PDLIM4: variants seen among roughly 807,000 people sequenced by gnomAD.
The protein encoded by PDLIM4 is PDZ and LIM domain protein 4.
In PDLIM4, 19 loss-of-function variants were observed where a neutral mutation model predicts 31.3. The ratio of observed to expected loss-of-function variants is 0.61; its 90% CI spans 0.42 to 0.89. PDLIM4 has a LOEUF of 0.89. PDLIM4 is among the 40% of genes least tolerant of loss of function. The pLI is 0.00. For missense variants in PDLIM4, 442 were observed against 461.1 expected (o/e 0.96, Z 0.38); for synonymous variants, 176 against 190.1 (o/e 0.93, Z 0.61).
rs556766882 is a variant in PDLIM4 at position 132,257,891 on chromosome 5, G to A, written c.93+64G>A. On this transcript the variant is annotated intron_variant, in intron 1 of 6. Transcript: ENST00000253754. The surrounding 1 kb of genome is among the most constrained non-coding windows in gnomAD (Gnocchi z 4.3). ...GTCTGAGACCGGGTTCTCGCGGTCC[G>A]CCCGGGACCCAGATCCCCTGTGTAT... 43 of 945,942 alleles carry A rather than the reference G, an allele frequency of 4.5e-5. No homozygotes were observed. The highest frequency in any genetic ancestry group is 4.1e-4 in the African/African-American group (24 of 58,120). 58.6% of individuals were successfully genotyped at this position (945,942 alleles called of 1,614,324 possible).
At position 132,262,763 on chromosome 5, in the gene PDLIM4, A is replaced by G; in HGVS notation, c.245+3A>G. The G allele has an allele frequency of 1.2e-6, 2 of 1,611,244 alleles. No individual in the cohort carries two copies. The highest frequency in any genetic ancestry group is 2.2e-5 in the East Asian group (1 of 44,750). ...CACCTCACACTGTCTGTGAGCAGGT[A>G]TGCACAGGTGGGCTGGGCTGGGAGG... is the stretch of plus-strand genomic sequence containing the variant. On this transcript the variant is annotated splice_donor_region_variant and intron_variant, in intron 2 of 6. Transcript: ENST00000253754.
At chr5:132,263,552 T>C (rs1006511224) in intron 2 of PDLIM4, among the ~76,000 whole-genome samples, 4 of 152,174 alleles carry the variant, frequency 2.6e-5, no homozygotes, top group Admixed American at 2.0e-4. Context: ...CCTGGGTCTT[T>C]ACTCAGCTCT....
chr5:132,270,997 A>G lies in PDLIM4; in HGVS notation c.410A>G (p.Tyr137Cys). The change falls in exon 4 of 7, where the codon TAT becomes TGT. Residue 137 changes from tyrosine to cysteine, a missense_variant. Transcript: ENST00000253754. ...GGCAGACCAAGCCTGGGATCTCCAT[A>G]TGGACAACCCCCTCGCTTTCCAGTC... The part of the protein sequence containing the change: ...EDGRPSLGSP[Y>C]GQPPRFPVPH... 1 of 1,614,086 alleles carries G rather than the reference A, an allele frequency of 6.2e-7. No homozygotes were observed. Among genetic ancestry groups the G allele is most frequent in the Non-Finnish European group, 8.5e-7 (1 of 1,179,978 alleles).
intron 3 of PDLIM4, 170 bp downstream of exon 3, chr5:132,266,715 C>T (rs994613668): frequency 1.2e-5 from 6 of 500,060 alleles, no homozygotes; most frequent in African/African-American, 3.9e-5. Flanking sequence ...ATCCCATGTT[C>T]CTCAGATGAT....
chr5:132,272,553 C>T lies in PDLIM4; in HGVS notation c.*324C>T, dbSNP rs1172057380. The T allele has an allele frequency of 2.0e-5, 8 of 396,372 alleles. No individual in the cohort carries two copies. The highest frequency in any genetic ancestry group is 3.4e-5 in the Non-Finnish European group (7 of 208,940). The allele number at this position is 396,372 out of a possible 1,614,324, so 24.6% of individuals were successfully genotyped here. On this transcript the variant is annotated 3_prime_UTR_variant, in exon 7 of 7. Transcript: ENST00000253754. Reference sequence around the variant, plus strand: ...AAGGTGAGGTCTGGGATGCTGCGTGCGGCGCGACGACAGGAGGTATGACCT... The same window carrying T: ...AAGGTGAGGTCTGGGATGCTGCGTGTGGCGCGACGACAGGAGGTATGACCT...
chr5:132,259,777 G>C (rs1561519791), intron 1 of PDLIM4, among the ~76,000 whole-genome samples: 1 of 152,152 alleles, frequency 6.6e-6, no homozygotes, highest in Non-Finnish European at 1.5e-5. Context: ...GCAGGGCTGG[G>C]GGCTTGCAAT....
At position 132,271,431 on chromosome 5, in the gene PDLIM4, G is replaced by A. The variant is rs768954773; in HGVS notation, c.635G>A (p.Arg212His). The stretch of plus-strand genomic sequence containing the variant: ...GAGCCCAAGCAGTCAGGCTCCTTCC[G>A]CTACTTGCAGGGCATGCTAGAGGCC... ...AAEPKQSGSFRYLQGMLEAGE... is the reference protein window; with the variant it reads ...AAEPKQSGSFHYLQGMLEAGE... Residue 212 changes from arginine to histidine, a missense_variant, in exon 5 of 7, where the codon CGC (arginine) becomes CAC (histidine). Arg to His is a conservative substitution (Grantham distance 29, BLOSUM62 0). Transcript: ENST00000253754. 6.8e-6 allele frequency: 11 copies of A among 1,609,168 alleles called. No homozygotes were observed. Among genetic ancestry groups the A allele is most frequent in the South Asian group, 3.3e-5 (3 of 91,088 alleles).
intron 2 of PDLIM4, among the ~76,000 whole-genome samples, chr5:132,263,517 TG>T (rs1182747849): frequency 8.0e-6 from 1 of 124,930 alleles, no homozygotes; most frequent in Non-Finnish European, 1.7e-5. Context: ...GGGGTGGGGG[TG>T]GGGGGACCCA....
chr5:132,262,852 C>G, intron 2 of PDLIM4, 92 bp downstream of exon 2: 1 of 1,218,436 alleles, frequency 8.2e-7, no homozygotes, highest in Non-Finnish European at 1.2e-6. Flanking sequence ...CTTCACACAG[C>G]CTCTCTGCCT....
At position 132,266,558 on chromosome 5, in the gene PDLIM4, A is replaced by T. The variant is rs1224658439; in HGVS notation, c.327+13A>T. On this transcript the variant is annotated intron_variant, in intron 3 of 6. Transcript: ENST00000253754. ...TCCTGAGATCCAGGTATGTACAGAC[A>T]CTGCCTGGCCTGGCCTGGCTCAGAG... 1.9e-6 allele frequency: 3 copies of T among 1,592,396 alleles called. No homozygotes were observed. Among genetic ancestry groups the T allele is most frequent in the South Asian group, 1.1e-5 (1 of 90,076 alleles).
At chr5:132,268,903 C>T (rs992275496) in intron 3 of PDLIM4, among the ~76,000 whole-genome samples, 3 of 152,116 alleles carry the variant, frequency 2.0e-5, no homozygotes, top group South Asian at 2.1e-4. Context: ...GCATATGGTA[C>T]GAGGTGTACC....
Position 132,271,832 on chromosome 5 carries a change from A to G in PDLIM4, c.712A>G (p.Thr238Ala), listed in dbSNP as rs1396074238. 1 of 1,612,726 alleles carries G rather than the reference A, an allele frequency of 6.2e-7. No individual in the cohort carries two copies. The highest frequency in any genetic ancestry group is 1.3e-5 in the African/African-American group (1 of 74,900). The change falls in exon 6 of 7, where the codon ACG (threonine) becomes GCG (alanine). Residue 238 changes from threonine (T) to alanine (A), a missense_variant. Transcript: ENST00000253754. ...GPGGPRNLKP[T>A]ASKLGAPLSG... is the part of the protein sequence containing the mutation. ...TGGCGGCCCCCGGAACCTCAAGCCC[A>G]CGGCCAGCAAGCTGGGCGCTCCGCT...
chr5:132,266,419 G>T (rs1168138354), intron 2 of PDLIM4, 45 bp from the exon 3 acceptor site: 1 of 1,332,844 alleles, frequency 7.5e-7, no homozygotes, highest in Non-Finnish European at 1.1e-6. Context: ...CAGGCATGGT[G>T]GGCGTGGTAG....
Position 132,271,068 on chromosome 5 carries a change from A to G in PDLIM4, c.481A>G (p.Thr161Ala), listed in dbSNP as rs1473686250. The change falls in exon 4 of 7, where the codon ACC (threonine) becomes GCC (alanine). Residue 161 changes from threonine to alanine, a missense_variant. Transcript: ENST00000253754. ...GGCCACCCTGCCAGCCCAGATGAGC[A>G]CCCTGCATGTGTCTCCACCCCCCAG... ...SEATLPAQMSTLHVSPPPSAD... is the reference protein window; with the variant it reads ...SEATLPAQMSALHVSPPPSAD... The G allele has an allele frequency of 1.2e-6, 2 of 1,614,016 alleles. No individual in the cohort carries two copies. The highest frequency in any genetic ancestry group is 1.7e-6 in the Non-Finnish European group (2 of 1,179,946).
chr5:132,260,526 T>C (rs1419014957), intron 1 of PDLIM4, among the ~76,000 whole-genome samples: 1 of 152,178 alleles, frequency 6.6e-6, no homozygotes, highest in Non-Finnish European at 1.5e-5. Flanking sequence ...ACAACCTTCC[T>C]TCTTCTTTCT....
chr5:132,257,757 G>C lies in PDLIM4; in HGVS notation c.23G>C (p.Arg8Pro). The C allele has an allele frequency of 6.7e-7, 1 of 1,498,360 alleles. No individual in the cohort carries two copies. Among genetic ancestry groups the C allele is most frequent in the Non-Finnish European group, 8.9e-7 (1 of 1,128,960 alleles). 92.8% of individuals were successfully genotyped at this position (1,498,360 alleles called of 1,614,324 possible). A position where few individuals can be genotyped will look rare whatever the true frequency, so the allele number is the denominator to read the frequency against. Reference protein sequence around the residue: MPHSVTLRGPSPWGFRLV... With the variant: MPHSVTLPGPSPWGFRLV... Reference sequence around the variant, plus strand: ...GCGATGCCCCATTCCGTGACCCTGCGCGGGCCTTCGCCCTGGGGCTTCCGC... The same window carrying C: ...GCGATGCCCCATTCCGTGACCCTGCCCGGGCCTTCGCCCTGGGGCTTCCGC... Residue 8 changes from arginine (R) to proline (P), a missense_variant, in exon 1 of 7, where the codon CGC (arginine) becomes CCC (proline). Transcript: ENST00000253754. The surrounding 1 kb of genome is among the most constrained non-coding windows in gnomAD (Gnocchi z 4.3).
rs157576 is a variant in PDLIM4 at position 132,258,599 on chromosome 5, G to T, written c.93+772G>T. 4.9e-4 allele frequency among the ~76,000 whole-genome samples: 74 copies of T among 152,274 alleles called. 1 individual carries two copies. The East Asian group carries it at 0.012, about 24-fold the overall frequency. On this transcript the variant is annotated intron_variant, in intron 1 of 6. Coordinates refer to ENST00000253754, the MANE Select transcript of PDLIM4 (RefSeq NM_003687.4). Reference sequence around the variant, plus strand: ...GGAGGAGGTGACTCAGGCCCTGTTCGAGGGGGTGCCTGTCTAGGGGAGACA... The same window carrying T: ...GGAGGAGGTGACTCAGGCCCTGTTCTAGGGGGTGCCTGTCTAGGGGAGACA...
intron 1 of PDLIM4, among the ~76,000 whole-genome samples, chr5:132,258,704 G>A (rs1756301352): frequency 6.6e-6 from 1 of 152,260 alleles, no homozygotes; most frequent in African/African-American, 2.4e-5. Context: ...GGGGTCCCCA[G>A]CCTAAGGGAC....
chr5:132,270,800 G>T, intron 3 of PDLIM4, 115 bp from the exon 4 acceptor site: 1 of 903,682 alleles, frequency 1.1e-6, no homozygotes, highest in Non-Finnish European at 1.8e-6. Context: ...TGCCGAAGCA[G>T]AGGAAGCCAA....
Sources: allele counts gnomAD v4.1 joint callset (sites outside exome capture counted in the v4.1 genomes callset), GRCh38; gene constraint gnomAD v4.1.1; non-coding constraint Gnocchi (gnomAD v3.1); transcripts MANE v1.5; gene names NCBI Gene and HGNC (gene_info 2026-07-23, HGNC 2026-07-21).